STK33: variants seen among roughly 807,000 people sequenced by gnomAD.
The protein encoded by STK33 is serine/threonine kinase 33.
A neutral mutation model predicts 58.0 loss-of-function variants in STK33; 52 were observed. The observed-to-expected ratio is 0.90, with a 90% confidence interval of 0.72 to 1.13. The LOEUF (loss-of-function observed/expected upper bound fraction) is 1.13. STK33 is among the 50% of genes most tolerant of loss of function. The pLI is 0.00. For missense variants in STK33, 630 were observed against 604.2 expected (o/e 1.04, Z -0.45); for synonymous variants, 215 against 200.1 (o/e 1.07, Z -0.63).
intron 1 of STK33, among the ~76,000 whole-genome samples, chr11:8,545,329 T>C (rs904755981): frequency 6.6e-6 from 1 of 152,178 alleles, no homozygotes. Context: ...CATGCAAACC[T>C]TTAAAAGAGA....
At chr11:8,506,507 G>A (rs764879865) in intron 1 of STK33, among the ~76,000 whole-genome samples, 1 of 152,128 alleles carries the variant, frequency 6.6e-6, no homozygotes, top group Non-Finnish European at 1.5e-5. Context: ...TTCCTTTCTG[G>A]AGGCTTTAGG....
chr11:8,396,525 T>G (rs539992173), intron 15 of STK33, among the ~76,000 whole-genome samples: 107 of 152,162 alleles, frequency 7.0e-4, no homozygotes, highest in Non-Finnish European at 1.4e-3. Flanking sequence ...TAGGAACAGC[T>G]CCAGTCTACA....
At chr11:8,381,680 C>T in the STK33 span, among the ~76,000 whole-genome samples, 1 of 152,176 alleles carries the variant, frequency 6.6e-6, no homozygotes, top group Admixed American at 6.5e-5. Flanking sequence ...CCTTGCTGTA[C>T]AGTGAGGGGC....
At chr11:8,349,675 G>A in the STK33 span, among the ~76,000 whole-genome samples, 1 of 152,234 alleles carries the variant, frequency 6.6e-6, no homozygotes, top group East Asian at 1.9e-4. Context: ...GGGCTGGAGT[G>A]TGAAAGCCCA....
At chr11:8,543,179 A>G (rs1416609817) in intron 1 of STK33, among the ~76,000 whole-genome samples, 4 of 152,190 alleles carry the variant, frequency 2.6e-5, no homozygotes, top group Admixed American at 6.5e-5. Flanking sequence ...ATCTTGCCCT[A>G]TGATATGGTT....
At chr11:8,519,692 C>T (rs7395385) in intron 1 of STK33, among the ~76,000 whole-genome samples, 2,714 of 152,146 alleles carry the variant, frequency 0.018, 36 homozygotes, top group Non-Finnish European at 0.03. Flanking sequence ...ATACAAACTA[C>T]CATCAGAGAA....
chr11:8,350,313 A>G, the STK33 span, among the ~76,000 whole-genome samples: 1 of 152,200 alleles, frequency 6.6e-6, no homozygotes, highest in African/African-American at 2.4e-5. Flanking sequence ...GCAGAGCAAG[A>G]GCCTTTATGG....
chr11:8,361,346 G>A, the STK33 span, among the ~76,000 whole-genome samples: 1 of 152,138 alleles, frequency 6.6e-6, no homozygotes, highest in Non-Finnish European at 1.5e-5. This position sits in a 1 kb window ranked among gnomAD's most constrained non-coding sequence, Gnocchi z 4.8. Context: ...TCCCTTGGGT[G>A]GTTGTCCAGC....
chr11:8,437,901 T>G (rs1432362773), intron 12 of STK33, among the ~76,000 whole-genome samples: 1 of 152,242 alleles, frequency 6.6e-6, no homozygotes, highest in Non-Finnish European at 1.5e-5. Flanking sequence ...TAGCTCATTC[T>G]GATTTCCTCT....
At chr11:8,462,993 G>A (rs553004608) in intron 7 of STK33, among the ~76,000 whole-genome samples, 36 of 152,268 alleles carry the variant, frequency 2.4e-4, no homozygotes, top group African/African-American at 8.4e-4. Flanking sequence ...GTTCTTAAGG[G>A]AGTGGAAATG....
At chr11:8,490,142 C>G (rs565961971) in intron 1 of STK33, among the ~76,000 whole-genome samples, 3 of 152,258 alleles carry the variant, frequency 2.0e-5, no homozygotes, top group South Asian at 4.1e-4. Context: ...GTGCAGGGGT[C>G]GAGGGATTTC....
rs953969373 is a variant in STK33, at chr11:8,540,059, T to C, written c.-466+54024A>G. Among the ~76,000 whole-genome samples the C allele has an allele frequency of 5.6e-4, 85 of 152,248 alleles. 1 individual carries two copies. Among genetic ancestry groups the C allele is most frequent in the Non-Finnish European group, 1.1e-3 (73 of 68,016 alleles). On this transcript the variant is annotated intron_variant, in intron 1 of 15. Coordinates refer to ENST00000687296, the MANE Select transcript of STK33 (RefSeq NM_001352389.2). ...ACAACCCAGCAATCCCTCTTCTGGG[T>C]GTATACCCAAAAGAGAAGACCTTTT... is the stretch of plus-strand genomic sequence containing the variant.
intron 1 of STK33, among the ~76,000 whole-genome samples, chr11:8,581,428 T>C (rs189894833): frequency 2.0e-5 from 3 of 152,246 alleles, no homozygotes; most frequent in African/African-American, 7.2e-5. Flanking sequence ...GGAGGATCAC[T>C]TGAGTCTGGA....
At chr11:8,356,425 G>A in the STK33 span, among the ~76,000 whole-genome samples, 95 of 152,274 alleles carry the variant, frequency 6.2e-4, no homozygotes, top group African/African-American at 2.2e-3. Context: ...ACCCTGCCCT[G>A]CGAGGGAGGA....
intron 1 of STK33, among the ~76,000 whole-genome samples, chr11:8,561,563 A>T (rs1957113478): frequency 6.6e-6 from 1 of 152,178 alleles, no homozygotes; most frequent in Non-Finnish European, 1.5e-5. Context: ...TTGAATCTGC[A>T]GATTACTAAT....
Position 8,594,103 on chromosome 11 carries a change from G to A in STK33, c.-486C>T, listed in dbSNP as rs1277451674. On this transcript the variant is annotated 5_prime_UTR_variant, in exon 1 of 16. Transcript: ENST00000687296. ...CTCACCGCGGCCGGCGGACTGGCGG[G>A]TCTCCGACAGGTGCGCACACTCGGC... is the stretch of plus-strand genomic sequence containing the variant. The A allele has an allele frequency of 1.3e-5, 2 of 152,320 alleles. No individual in the cohort carries two copies. The highest frequency in any genetic ancestry group is 4.8e-5 in the African/African-American group (2 of 41,470). 9.4% of individuals were successfully genotyped at this position (152,320 alleles called of 1,614,324 possible).
intron 1 of STK33, among the ~76,000 whole-genome samples, chr11:8,582,537 T>C (rs1309452187): frequency 1.3e-5 from 2 of 152,072 alleles, no homozygotes; most frequent in East Asian, 3.9e-4. Flanking sequence ...CCATCAGATC[T>C]CATGAGAATT....
chr11:8,396,654 CA>C (rs1475241739), intron 15 of STK33, among the ~76,000 whole-genome samples: 1 of 152,190 alleles, frequency 6.6e-6, no homozygotes, highest in Non-Finnish European at 1.5e-5. Context: ...TGAGCCGAAG[CA>C]GGGTGAGGCA....
At chr11:8,439,305 A>G (rs761877200) in intron 12 of STK33, among the ~76,000 whole-genome samples, 8 of 152,130 alleles carry the variant, frequency 5.3e-5, no homozygotes, top group Non-Finnish European at 1.0e-4. Flanking sequence ...GAAAACAGAT[A>G]CAATATATAT....
Sources: allele counts gnomAD v4.1 joint callset (sites outside exome capture counted in the v4.1 genomes callset), GRCh38; gene constraint gnomAD v4.1.1; non-coding constraint Gnocchi (gnomAD v3.1); transcripts MANE v1.5; gene names NCBI Gene and HGNC (gene_info 2026-07-23, HGNC 2026-07-21).